TANC1: variants seen among roughly 807,000 people sequenced by gnomAD.
TANC1 encodes the protein protein TANC1.
TANC1 carries 77 observed loss-of-function variants against 149.7 expected under a neutral mutation model. The observed-to-expected ratio is 0.51, with a 90% CI of 0.43 to 0.62. The LOEUF (loss-of-function observed/expected upper bound fraction) is 0.62, where lower values mean the gene tolerates loss of function less well. Ranked by LOEUF, TANC1 falls within the 20% of genes least tolerant of loss-of-function variation. The pLI is 0.00. For synonymous variants in TANC1, 854 were observed against 925.0 expected, an observed-to-expected ratio of 0.92 and a Z score of 1.39; for missense variants, 1,985 against 2,321.8, an observed-to-expected ratio of 0.85 and a Z score of 2.98.
chr2:159,151,557 T>C lies in TANC1; in HGVS notation c.682+1001T>C, dbSNP rs547294818. ...ACTTCCACATTAATATGTAATCAAA[T>C]GGAATGAACGACCTTTGAGCTCCTT... On this transcript the variant is annotated intron_variant, in intron 7 of 26. Coordinates refer to ENST00000263635, the MANE Select transcript of TANC1 (RefSeq NM_033394.3). Among the ~76,000 whole-genome samples, 5 of 152,404 alleles carry C rather than the reference T, an allele frequency of 3.3e-5. No homozygotes were observed. The East Asian group carries it at 9.6e-4, about 29-fold the overall frequency.
intron 2 of TANC1, among the ~76,000 whole-genome samples, chr2:159,038,591 T>A (rs1010079516): frequency 6.6e-6 from 1 of 152,234 alleles, no homozygotes; most frequent in African/African-American, 2.4e-5. Flanking sequence ...AAGACCTTTC[T>A]GCATCTATTG....
rs2050234413 is a variant in TANC1, at chr2:159,132,721, A to G, written c.260-3473A>G. On this transcript the variant is annotated intron_variant, in intron 4 of 26. Coordinates refer to ENST00000263635, the MANE Select transcript of TANC1 (RefSeq NM_033394.3). Reference sequence around the variant, plus strand: ...ACTATGTTACCCAGGCTGGTCTGGAACTCATGAGGCAATCCACCCACCTCG... The same window carrying G: ...ACTATGTTACCCAGGCTGGTCTGGAGCTCATGAGGCAATCCACCCACCTCG... Among the ~76,000 whole-genome samples, 3 of 148,742 alleles carry G rather than the reference A, an allele frequency of 2.0e-5. No homozygotes were observed. The Admixed American group carries it at 2.0e-4, about 10-fold the overall frequency.
chr2:158,995,230 G>A (rs2036022426), intron 1 of TANC1, among the ~76,000 whole-genome samples: 1 of 152,176 alleles, frequency 6.6e-6, no homozygotes, highest in African/African-American at 2.4e-5. Flanking sequence ...TAGTCTTGAA[G>A]GTGGCTGGCT....
intron 2 of TANC1, chr2:159,003,904 A>T: frequency 6.2e-7 from 1 of 1,612,852 alleles, no homozygotes; most frequent in Non-Finnish European, 8.5e-7. Context: ...GCAAGGATAC[A>T]GCTCGCAGAA....
intron 1 of TANC1, among the ~76,000 whole-genome samples, chr2:158,990,480 A>G (rs1384392840): frequency 1.3e-5 from 2 of 152,196 alleles, no homozygotes; most frequent in Non-Finnish European, 2.9e-5. Context: ...ACCCAGGTTG[A>G]GGCTGGAGCA....
chr2:159,017,006 TA>T (rs1559135954), intron 2 of TANC1, among the ~76,000 whole-genome samples: 2 of 151,914 alleles, frequency 1.3e-5, no homozygotes, highest in African/African-American at 2.4e-5. Flanking sequence ...TCAGTGATTT[TA>T]AAAAAATTTA....
chr2:159,195,319 C>T (rs1218891165), intron 17 of TANC1, among the ~76,000 whole-genome samples: 1 of 152,066 alleles, frequency 6.6e-6, no homozygotes, highest in African/African-American at 2.4e-5. Context: ...GGGGTTTCAC[C>T]ATGTTGGCCA....
At chr2:159,097,968 A>T in intron 4 of TANC1, 134 bp downstream of exon 4, 1 of 751,602 alleles carries the variant, frequency 1.3e-6, no homozygotes, top group East Asian at 2.8e-5. Context: ...GAAGAAATAA[A>T]TCTTTTTTTT....
chr2:159,135,184 TGAATG>T lies in TANC1; in HGVS notation c.260-1005_260-1001del, dbSNP rs139229530. 4.2e-3 allele frequency among the ~76,000 whole-genome samples: 644 copies of T among 152,330 alleles called. 3 individuals are homozygous for T. The highest frequency in any genetic ancestry group is 0.014 in the African/African-American group (574 of 41,564). On this transcript the variant is annotated intron_variant, in intron 4 of 26. Coordinates refer to ENST00000263635, the MANE Select transcript of TANC1 (RefSeq NM_033394.3). ...ATTTGGCTATTCTGGGCATGACATA[TGAATG>T]GAATCATGTAGATCCTTTGTGACTG...
chr2:159,029,609 G>T (rs1282794847), intron 2 of TANC1, among the ~76,000 whole-genome samples: 6 of 152,126 alleles, frequency 3.9e-5, no homozygotes, highest in Non-Finnish European at 8.8e-5. Context: ...TGTCAACCAG[G>T]CTGGAGTGCA....
chr2:159,217,385 G>A (rs1309765053), intron 19 of TANC1, 112 bp from the exon 20 acceptor site: 42 of 1,392,406 alleles, frequency 3.0e-5, no homozygotes, highest in Non-Finnish European at 1.9e-5. Flanking sequence ...GTTCAAAGGG[G>A]GAGGACATAT....
At chr2:159,047,729 G>T (rs1303311770) in intron 2 of TANC1, among the ~76,000 whole-genome samples, 1 of 152,114 alleles carries the variant, frequency 6.6e-6, no homozygotes, top group Non-Finnish European at 1.5e-5. Flanking sequence ...ATAAAACCAA[G>T]CTGTGCTCTG....
chr2:159,133,389 C>T (rs1481279659), intron 4 of TANC1, among the ~76,000 whole-genome samples: 1 of 145,660 alleles, frequency 6.9e-6, no homozygotes, highest in African/African-American at 2.5e-5. Flanking sequence ...GGGTCTTGCT[C>T]TGTCACCTTG....
Position 159,231,607 on chromosome 2 carries a change from T to A in TANC1, c.*595T>A, listed in dbSNP as rs1285023107. ...TTCATAGCAGTTCCTATAAAGGGAT[T>A]AAACACTTATTTCTGTGTTATGGTT... On this transcript the variant is annotated 3_prime_UTR_variant, in exon 27 of 27. Coordinates refer to ENST00000263635, the MANE Select transcript of TANC1 (RefSeq NM_033394.3). 3.3e-5 allele frequency: 5 copies of A among 152,186 alleles called. No homozygotes were observed. The highest frequency in any genetic ancestry group is 1.2e-4 in the African/African-American group (5 of 41,414). 9.4% of individuals were successfully genotyped at this position (152,186 alleles called of 1,614,324 possible). A position where few individuals can be genotyped will look rare whatever the true frequency, so the allele number is the denominator to read the frequency against.
chr2:159,098,830 A>ATT (rs66459656), intron 4 of TANC1, among the ~76,000 whole-genome samples: 4 of 147,856 alleles, frequency 2.7e-5, no homozygotes, highest in Non-Finnish European at 1.5e-5. Flanking sequence ...AAATTCTTGG[A>ATT]TTTTTTTTTT....
intron 2 of TANC1, among the ~76,000 whole-genome samples, chr2:159,039,807 C>T (rs1376402463): frequency 6.6e-6 from 1 of 152,160 alleles, no homozygotes; most frequent in African/African-American, 2.4e-5. Flanking sequence ...TGATGTGGTG[C>T]TGAGAAGAAT....
chr2:159,232,132 G>A lies in TANC1; in HGVS notation c.*1120G>A, dbSNP rs761985370. 3.9e-5 allele frequency: 6 copies of A among 152,614 alleles called. No individual in the cohort carries two copies. Among genetic ancestry groups the A allele is most frequent in the African/African-American group, 4.8e-5 (2 of 41,452 alleles). 9.5% of individuals were successfully genotyped at this position (152,614 alleles called of 1,614,324 possible). ...GCATGTTAACAGTATACCAGTAACA[G>A]CACTTTATCTCATTTATATGAACAC... On this transcript the variant is annotated 3_prime_UTR_variant, in exon 27 of 27. Transcript: ENST00000263635.
At position 159,186,991 on chromosome 2, in the gene TANC1, C is replaced by T; in HGVS notation, c.2709C>T (p.Ala903=). 6.2e-7 allele frequency: 1 copy of T among 1,614,208 alleles called. No homozygotes were observed. The highest frequency in any genetic ancestry group is 8.5e-7 in the Non-Finnish European group (1 of 1,180,028). Reference sequence around the variant, plus strand: ...CCGAGGGGCTGTCCGCCGCCCTGGCCTCTCTCAGGAATCTCTATACTCCCA... The same window carrying T: ...CCGAGGGGCTGTCCGCCGCCCTGGCTTCTCTCAGGAATCTCTATACTCCCA... ...YSTEGLSAAL[A]SLRNLYTPNV... The change falls in exon 16 of 27, where the codon GCC becomes GCT. Residue 903 remains alanine (A), a synonymous_variant. Transcript: ENST00000263635.
At chr2:159,116,834 A>G (rs1171495772) in intron 4 of TANC1, among the ~76,000 whole-genome samples, 1 of 152,230 alleles carries the variant, frequency 6.6e-6, no homozygotes, top group Admixed American at 6.5e-5. Flanking sequence ...CAGCTTAGGT[A>G]TGAACCCCAC....
Sources: gnomAD v4.1 joint callset for allele counts (sites outside exome capture counted in the v4.1 genomes callset) on GRCh38, gnomAD v4.1.1 for gene constraint, MANE v1.5 for transcripts, NCBI Gene and HGNC (gene_info 2026-07-23, HGNC 2026-07-21) for gene names.